The following ACAP3 variants were observed in gnomAD, a reference collection of about 807,000 sequenced individuals.
ACAP3 encodes ArfGAP with coiled-coil, ankyrin repeat and PH domains 3.
ACAP3 carries 56 observed loss-of-function variants against 104.1 expected under a neutral mutation model. The observed-to-expected ratio is 0.54, with a 90% confidence interval of 0.43 to 0.67. The LOEUF is 0.67. Ranked by LOEUF, ACAP3 falls within the 30% of genes least tolerant of loss-of-function variation. ACAP3 has a pLI of 0.00. For missense variants in ACAP3, 1,208 were observed against 1,174.9 expected, an observed-to-expected ratio of 1.03 and a Z score of -0.41; for synonymous variants, 628 against 496.2, an observed-to-expected ratio of 1.27 and a Z score of -3.53.
Position 1,293,692 on chromosome 1 carries a change from T to C in ACAP3, c.2377A>G (p.Met793Val). The C allele has an allele frequency of 2.2e-6, 3 of 1,389,918 alleles. No individual in the cohort carries two copies. The highest frequency in any genetic ancestry group is 2.8e-5 in the South Asian group (2 of 70,228). 86.1% of individuals were successfully genotyped at this position (1,389,918 alleles called of 1,614,324 possible). Residue 793 changes from methionine (M) to valine (V), a missense_variant, in exon 24 of 24, where the codon ATG (methionine) becomes GTG (valine). Met to Val is a conservative substitution (Grantham distance 21, BLOSUM62 1). Transcript: ENST00000354700. The part of the protein sequence containing the change: ...DIVTLLRLAR[M>V]AEEMREAEAA... ...TCGGCCTCGCGCATTTCCTCCGCCA[T>C]GCGCGCCAGACGGAGCCTACGGGGA...
At chr1:1,304,332 C>T in intron 1 of ACAP3, 189 bp from the exon 2 acceptor site, 4 of 685,088 alleles carry the variant, frequency 5.8e-6, no homozygotes, top group Middle Eastern at 4.0e-4. Context: ...CCCCGCCCCC[C>T]CAACCCCAGG....
chr1:1,302,817 A>G, intron 4 of ACAP3, 105 bp downstream of exon 4: 1 of 287,090 alleles, frequency 3.5e-6, no homozygotes, highest in Non-Finnish European at 6.9e-6. Flanking sequence ...CGACTAGAGG[A>G]GCAGAAACGT....
chr1:1,304,281 T>C, intron 1 of ACAP3, 138 bp from the exon 2 acceptor site: 3 of 1,037,318 alleles, frequency 2.9e-6, no homozygotes, highest in East Asian at 2.6e-5. Context: ...GACGCCTGCC[T>C]GCTACGGGGG....
intron 23 of ACAP3, 23 bp from the exon 24 acceptor site, chr1:1,293,731 A>ATGACCCTGCCCTGGAGGCCC: frequency 1.1e-6 from 1 of 942,762 alleles, no homozygotes; most frequent in South Asian, 1.9e-5. Flanking sequence ...ACAGCGTGAG[A>ATGACCCTGCCCTGGAGGCCC]CGCCCCTGCC....
chr1:1,304,011 G>A, intron 2 of ACAP3, 75 bp downstream of exon 2: 1 of 1,531,384 alleles, frequency 6.5e-7, no homozygotes, highest in Non-Finnish European at 8.8e-7. Context: ...GCTTAGTAAG[G>A]CCTGGAGGGC....
intron 15 of ACAP3, 33 bp from the exon 16 acceptor site, chr1:1,296,313 A>T: frequency 6.5e-7 from 1 of 1,550,310 alleles, no homozygotes; most frequent in South Asian, 1.2e-5. Context: ...AGTCTGGGGG[A>T]GGCAAGGCCC....
chr1:1,297,092 C>T (rs902626420), intron 14 of ACAP3, among the ~76,000 whole-genome samples: 2 of 152,154 alleles, frequency 1.3e-5, no homozygotes, highest in Non-Finnish European at 2.9e-5. Context: ...AGGGGCCATC[C>T]CCAGTGGCAC....
intron 1 of ACAP3, chr1:1,307,276 G>C (rs2274263): frequency 3.1e-6 from 4 of 1,288,214 alleles, no homozygotes; most frequent in South Asian, 2.5e-5. Context: ...CGCTCTTCTC[G>C]GCCGCCACCC....
chr1:1,304,549 T>G, intron 1 of ACAP3: 1 of 263,382 alleles, frequency 3.8e-6, no homozygotes, highest in East Asian at 1.0e-4. Flanking sequence ...CCCACTGCAC[T>G]ACTGCAGCCC....
Position 1,307,911 on chromosome 1 carries a change from GCGCC to G in ACAP3, c.-100_-97del. 2 of 677,734 alleles carry G rather than the reference GCGCC, an allele frequency of 3.0e-6. No individual in the cohort carries two copies. Among genetic ancestry groups the G allele is most frequent in the Non-Finnish European group, 3.6e-6 (2 of 551,648 alleles). The allele number at this position is 677,734 out of a possible 1,614,324, so 42.0% of individuals were successfully genotyped here. A position where few individuals can be genotyped will look rare whatever the true frequency, so the allele number is the denominator to read the frequency against. On this transcript the variant is annotated 5_prime_UTR_variant, in exon 1 of 24. Transcript: ENST00000354700. ...CGCTCGTCCCGCCCGCGCCGCCTCG[GCGCC>G]CGCCCGCCCCGGAATGAGGCCGCCG...
Position 1,294,076 on chromosome 1 carries a change from G to C in ACAP3, c.2249+14C>G. ...GGTCGGGGCACAGGGCGGGGCGTGG[G>C]TTGCGCGTCTCACCCGGTGCGGCCC... is the stretch of plus-strand genomic sequence containing the variant. On this transcript the variant is annotated intron_variant, in intron 22 of 23. Transcript: ENST00000354700. 1 of 1,555,120 alleles carries C rather than the reference G, an allele frequency of 6.4e-7. No homozygotes were observed. Among genetic ancestry groups the C allele is most frequent in the South Asian group, 1.2e-5 (1 of 85,344 alleles).
intron 1 of ACAP3, among the ~76,000 whole-genome samples, chr1:1,307,565 G>T (rs1285806440): frequency 2.0e-5 from 3 of 152,182 alleles, no homozygotes; most frequent in African/African-American, 4.8e-5. Flanking sequence ...CACCCGGGGC[G>T]GCCGCACAGG....
chr1:1,298,478 ACCCCTGC>A, intron 11 of ACAP3, 57 bp from the exon 12 acceptor site: 1 of 1,582,440 alleles, frequency 6.3e-7, no homozygotes, highest in Non-Finnish European at 8.6e-7. Context: ...GGCTGCTGTG[ACCCCTGC>A]CCCCACCTGA....
intron 6 of ACAP3, 65 bp from the exon 7 acceptor site, chr1:1,300,267 C>A: frequency 1.3e-6 from 2 of 1,524,926 alleles, no homozygotes; most frequent in South Asian, 1.3e-5. Flanking sequence ...CTGCACCTGC[C>A]ATAGAGTCCA....
In ACAP3 at chr1:1,296,965, G is replaced by A. The variant is rs948813035; in HGVS notation, c.1129-332C>T. Among the ~76,000 whole-genome samples, 12 of 152,246 alleles carry A rather than the reference G, an allele frequency of 7.9e-5. 1 individual carries two copies. The highest frequency in any genetic ancestry group is 2.4e-5 in the African/African-American group (1 of 41,466). Reference sequence around the variant, plus strand: ...TGTATACGTGCACACCCTCACATGGGCAGATGGTACCTGCACACACATGCA... The same window carrying A: ...TGTATACGTGCACACCCTCACATGGACAGATGGTACCTGCACACACATGCA... On this transcript the variant is annotated intron_variant, in intron 14 of 23. Coordinates refer to ENST00000354700, the MANE Select transcript of ACAP3 (RefSeq NM_030649.3).
intron 1 of ACAP3, 126 bp downstream of exon 1, chr1:1,307,643 G>T: frequency 1.0e-6 from 1 of 968,884 alleles, no homozygotes; most frequent in Non-Finnish European, 1.3e-6. Flanking sequence ...TCCGAGGCCG[G>T]TCCTCCAGCC....
chr1:1,302,342 G>A (rs536523685), intron 4 of ACAP3, among the ~76,000 whole-genome samples: 11 of 152,272 alleles, frequency 7.2e-5, no homozygotes, highest in Non-Finnish European at 1.3e-4. Flanking sequence ...GGCCCTGGGC[G>A]GCCACCCTGG....
chr1:1,294,860 G>T, intron 19 of ACAP3, 44 bp from the exon 20 acceptor site: 1 of 1,538,750 alleles, frequency 6.5e-7, no homozygotes, highest in Non-Finnish European at 8.8e-7. Context: ...GGGAGGCCCA[G>T]ACTCCGTCCA....
rs1157929725 is a variant in ACAP3, at chr1:1,294,774, C to T, written c.1856G>A (p.Ser619Asn). 2.6e-6 allele frequency: 4 copies of T among 1,549,690 alleles called. No individual in the cohort carries two copies. The highest frequency in any genetic ancestry group is 3.5e-6 in the Non-Finnish European group (4 of 1,146,622). The change falls in exon 20 of 24, where the codon AGC becomes AAC. Residue 619 changes from serine (S) to asparagine (N), a missense_variant. By Grantham distance (46) the Ser-to-Asn change is conservative (BLOSUM62 1). Coordinates refer to ENST00000354700, the MANE Select transcript of ACAP3 (RefSeq NM_030649.3). ...CGAGCCGAAAGCCAGGACGTCCGAG[C>T]TGCCATCCGAGCTGCCCCCAAGGCC... ...DSGLGGSSDG[S>N]SDVLAFGSGS...
Sources: allele counts gnomAD v4.1 joint callset (sites outside exome capture counted in the v4.1 genomes callset), GRCh38; gene constraint gnomAD v4.1.1; transcripts MANE v1.5; gene names NCBI Gene and HGNC (gene_info 2026-07-23, HGNC 2026-07-21).